Variants in TPR observed in about 807,000 individuals in gnomAD.
The protein encoded by TPR is translocated promoter region, nuclear basket protein, also known as nucleoprotein TPR.
In TPR, 51 loss-of-function variants were observed where a neutral mutation model predicts 316.1. The observed-to-expected ratio is 0.16, with a 90% confidence interval of 0.13 to 0.20. The LOEUF (loss-of-function observed/expected upper bound fraction) is 0.20. Ranked by LOEUF, TPR falls within the 10% of genes least tolerant of loss-of-function variation. TPR has a pLI of 1.00. For synonymous variants in TPR, 981 were observed against 914.7 expected (o/e 1.07, Z -1.31); for missense variants, 2,272 against 2,754.8 (o/e 0.82, Z 3.92).
chr1:186,342,591 T>C (rs1241672004), intron 27 of TPR: 4 of 152,202 alleles, frequency 2.6e-5, no homozygotes, highest in Admixed American at 2.6e-4. Context: ...ATAAATCCCA[T>C]AAAATTCATT....
chr1:186,357,746 A>G lies in TPR; in HGVS notation c.1498-123T>C, dbSNP rs1272713715. 2.8e-5 allele frequency: 21 copies of G among 744,400 alleles called. No individual in the cohort carries two copies. In the East Asian group the frequency reaches 5.9e-4, roughly 21 times the overall value. The allele number at this position is 744,400 out of a possible 1,614,324, so 46.1% of individuals were successfully genotyped here. A position where few individuals can be genotyped will look rare whatever the true frequency, so the allele number is the denominator to read the frequency against. On this transcript the variant is annotated intron_variant, in intron 13 of 50. Coordinates refer to ENST00000367478, the MANE Select transcript of TPR (RefSeq NM_003292.3). ...CCTTCAACTTGTACTGCCTCAAATT[A>G]TCTTTAAAAATAAAGCATCCTTGGA...
At chr1:186,336,468 C>T in intron 33 of TPR, 28 bp downstream of exon 33, 1 of 1,609,996 alleles carries the variant, frequency 6.2e-7, no homozygotes, top group Non-Finnish European at 8.5e-7. Context: ...CTTTCACTAC[C>T]AAGTTCAAAC....
At chr1:186,339,906 G>A (rs1478966389) in intron 29 of TPR, 134 bp from the exon 30 acceptor site, 5 of 647,006 alleles carry the variant, frequency 7.7e-6, no homozygotes, top group Non-Finnish European at 9.2e-6. Context: ...GGAACTACAA[G>A]ATACTAAGAT....
chr1:186,337,109 A>G lies in TPR; in HGVS notation c.4410T>C (p.His1470=). 6.2e-7 allele frequency: 1 copy of G among 1,613,876 alleles called. No individual in the cohort carries two copies. The highest frequency in any genetic ancestry group is 1.7e-5 in the Admixed American group (1 of 59,972). ...GTTCCTGCATTTCCTGGACTGAAAC[A>G]TGCTGCTCCTGATGGTCTCCAGAGG... ...AQSSGDHQEQ[H]VSVQEMQELK... The change falls in exon 32 of 51, where the codon CAT becomes CAC. Residue 1470 remains histidine, a synonymous_variant. Coordinates refer to ENST00000367478, the MANE Select transcript of TPR (RefSeq NM_003292.3).
chr1:186,363,306 C>T (rs1484575584), intron 5 of TPR, 36 bp downstream of exon 5: 3 of 1,476,584 alleles, frequency 2.0e-6, no homozygotes, highest in Admixed American at 1.9e-5. Flanking sequence ...TAATAAAAAG[C>T]TATAGTTTAT....
At position 186,358,530 on chromosome 1, in the gene TPR, A is replaced by C. The variant is rs921352539; in HGVS notation, c.1497+13T>G. ...GTTTTTAAAAGTAGGAAAACAAACA[A>C]AAAAATTCTAACCTGTTGTGAAAGA... On this transcript the variant is annotated intron_variant, in intron 13 of 50. Transcript: ENST00000367478. The C allele has an allele frequency of 3.1e-6, 5 of 1,602,226 alleles. No homozygotes were observed. Among genetic ancestry groups the C allele is most frequent in the East Asian group, 4.5e-5 (2 of 44,600 alleles).
intron 49 of TPR, among the ~76,000 whole-genome samples, chr1:186,315,693 C>G (rs1657589277): frequency 6.6e-6 from 1 of 151,740 alleles, no homozygotes. Context: ...GTATCCATGA[C>G]AGCCAAGGCA....
chr1:186,318,070 A>T (rs1571596771), intron 48 of TPR, among the ~76,000 whole-genome samples: 1 of 152,246 alleles, frequency 6.6e-6, no homozygotes, highest in Non-Finnish European at 1.5e-5. Flanking sequence ...GGCTACATCC[A>T]TCTTTCTCTC....
At chr1:186,316,447 G>A (rs2102047703) in intron 49 of TPR, among the ~76,000 whole-genome samples, 1 of 152,262 alleles carries the variant, frequency 6.6e-6, no homozygotes, top group African/African-American at 2.4e-5. Flanking sequence ...AAAGTTCTGT[G>A]ATTTAAAAAA....
At position 186,346,000 on chromosome 1, in the gene TPR, A is replaced by G. The variant is rs543654823; in HGVS notation, c.3096+135T>C. ...TATATAGAGGTACAGAAAAGAGTAA[A>G]ACATAAAACTAAAATTTTGCCTATG... On this transcript the variant is annotated intron_variant, in intron 23 of 50. Transcript: ENST00000367478. 3.2e-4 allele frequency: 308 copies of G among 965,070 alleles called. 1 individual carries two copies. The African/African-American group carries it at 4.4e-3, about 14-fold the overall frequency. 59.8% of individuals were successfully genotyped at this position (965,070 alleles called of 1,614,324 possible). A position where few individuals can be genotyped will look rare whatever the true frequency, so the allele number is the denominator to read the frequency against.
chr1:186,339,653 A>C lies in TPR; in HGVS notation c.4140T>G (p.Ala1380=). ...TTCTTTCCATATACCTTGCAATTTC[A>C]GCTTTAAGTCTACCAATTTCTTCTG... ...QLTEEIGRLK[A]EIARSNASLT... is the part of the protein sequence containing the mutation. Residue 1380 remains alanine, a synonymous_variant, in exon 30 of 51, where the codon GCT becomes GCG. Coordinates refer to ENST00000367478, the MANE Select transcript of TPR (RefSeq NM_003292.3). 1 of 1,575,698 alleles carries C rather than the reference A, an allele frequency of 6.3e-7. No individual in the cohort carries two copies. Among genetic ancestry groups the C allele is most frequent in the Non-Finnish European group, 8.6e-7 (1 of 1,164,318 alleles).
chr1:186,372,439 G>A (rs1659561244), intron 2 of TPR, among the ~76,000 whole-genome samples: 1 of 152,084 alleles, frequency 6.6e-6, no homozygotes, highest in Admixed American at 6.6e-5. Flanking sequence ...CTACTCAGGA[G>A]GCTGAGGCGC....
chr1:186,326,766 C>A (rs1167203211), intron 40 of TPR, among the ~76,000 whole-genome samples: 2 of 149,804 alleles, frequency 1.3e-5, no homozygotes, highest in East Asian at 2.0e-4. Flanking sequence ...TCTCCGGAAA[C>A]CATAGCACTT....
chr1:186,334,977 C>T (rs2293569), intron 35 of TPR, 91 bp downstream of exon 35: 134,418 of 1,307,594 alleles, frequency 0.1, 9,542 homozygotes, highest in East Asian at 0.4. Flanking sequence ...CAATAGAATA[C>T]ACAGATTTCT....
At chr1:186,335,292 G>A (rs768274977) in intron 34 of TPR, 46 bp downstream of exon 34, 15 of 1,600,670 alleles carry the variant, frequency 9.4e-6, no homozygotes, top group Non-Finnish European at 1.3e-5. Context: ...CAAGTAAAAT[G>A]TACAAAGAAA....
chr1:186,321,844 C>T (rs1333933703), intron 45 of TPR, among the ~76,000 whole-genome samples: 1 of 152,208 alleles, frequency 6.6e-6, no homozygotes, highest in Non-Finnish European at 1.5e-5. Flanking sequence ...ATTACCAACA[C>T]TTAATCAACA....
In TPR at chr1:186,334,371, G is replaced by C. The variant is rs1294568211; in HGVS notation, c.5136C>G (p.Thr1712=). ...TPATVTNPTT[T]PTATVMPTTQ... The stretch of plus-strand genomic sequence containing the variant: ...TAGTGGGCATCACTGTAGCTGTTGG[G>C]GTAGTAGTGGGATTTGTAACAGTTG... Residue 1712 remains threonine (T), a synonymous_variant, in exon 36 of 51, where the codon ACC becomes ACG. Transcript: ENST00000367478. The C allele has an allele frequency of 6.2e-7, 1 of 1,613,322 alleles. No individual in the cohort carries two copies. Among genetic ancestry groups the C allele is most frequent in the Admixed American group, 1.7e-5 (1 of 59,886 alleles).
chr1:186,337,912 TATC>T (rs1640035872), intron 31 of TPR, 118 bp downstream of exon 31: 1 of 803,346 alleles, frequency 1.2e-6, no homozygotes, highest in Admixed American at 3.4e-5. Context: ...TAAATAAAGA[TATC>T]ATATATGCTT....
At chr1:186,322,470 T>C (rs777648622) in intron 44 of TPR, 48 bp downstream of exon 44, 4 of 1,612,750 alleles carry the variant, frequency 2.5e-6, no homozygotes, top group South Asian at 1.1e-5. Flanking sequence ...ACTATATAAA[T>C]ATCTGCTCAA....
Sources: gnomAD v4.1 joint callset for allele counts (sites outside exome capture counted in the v4.1 genomes callset) on GRCh38, gnomAD v4.1.1 for gene constraint, MANE v1.5 for transcripts, NCBI Gene and HGNC (gene_info 2026-07-23, HGNC 2026-07-21) for gene names.